The following GFRA2 variants were observed in gnomAD, a reference collection of about 807,000 sequenced individuals.
GFRA2 encodes GDNF family receptor alpha-2.
In GFRA2, 17 loss-of-function variants were observed where a neutral mutation model predicts 48.3. The ratio of observed to expected loss-of-function variants is 0.35; its 90% confidence interval spans 0.24 to 0.53. The LOEUF (loss-of-function observed/expected upper bound fraction) is 0.53, where lower values mean the gene tolerates loss of function less well. Ranked by LOEUF, GFRA2 falls within the 20% of genes least tolerant of loss-of-function variation. GFRA2 has a pLI of 0.93. For synonymous variants in GFRA2, 305 were observed against 257.2 expected (o/e 1.19, Z -1.78); for missense variants, 660 against 637.3 (o/e 1.04, Z -0.38).
At chr8:21,748,192 C>G (rs112007868) in intron 4 of GFRA2, among the ~76,000 whole-genome samples, 1 of 152,112 alleles carries the variant, frequency 6.6e-6, no homozygotes, top group Non-Finnish European at 1.5e-5. Context: ...TTACTGAGGT[C>G]GAGACCCACA....
intron 4 of GFRA2, among the ~76,000 whole-genome samples, chr8:21,745,943 A>T (rs1308156743): frequency 6.6e-6 from 1 of 152,180 alleles, no homozygotes; most frequent in Non-Finnish European, 1.5e-5. Context: ...CTCTCCAGTA[A>T]AATAACCTCT....
At chr8:21,794,358 G>C (rs2117105383) in intron 2 of GFRA2, among the ~76,000 whole-genome samples, 1 of 143,232 alleles carries the variant, frequency 7.0e-6, no homozygotes, top group East Asian at 2.1e-4. Flanking sequence ...TCAAGTGATT[G>C]GCCTACCTCA....
chr8:21,768,992 C>T (rs1806312783), intron 3 of GFRA2: 1 of 157,362 alleles, frequency 6.4e-6, no homozygotes, highest in South Asian at 2.0e-4. Flanking sequence ...ACTTCCTCCT[C>T]TTCCAAGACT....
Position 21,788,310 on chromosome 8 carries a change from G to C in GFRA2, c.-151C>G. On this transcript the variant is annotated 5_prime_UTR_variant, in exon 1 of 9. Coordinates refer to ENST00000524240, the MANE Select transcript of GFRA2 (RefSeq NM_001495.5). ...CTAGTCCACCCGATGAAGATCCCGA[G>C]TCCTGCGATTCTCGCCTCTGGCTGG... 7.2e-7 allele frequency: 1 copy of C among 1,388,322 alleles called. No individual in the cohort carries two copies. The allele number at this position is 1,388,322 out of a possible 1,614,324, so 86.0% of individuals were successfully genotyped here.
intron 4 of GFRA2, among the ~76,000 whole-genome samples, chr8:21,734,115 C>T (rs1397451431): frequency 2.6e-5 from 4 of 152,214 alleles, no homozygotes; most frequent in East Asian, 1.9e-4. Flanking sequence ...AAGCCTGCAG[C>T]GTGCAGTGGA....
intron 1 of GFRA2, among the ~76,000 whole-genome samples, chr8:21,784,807 C>T (rs974880520): frequency 6.6e-6 from 1 of 152,130 alleles, no homozygotes; most frequent in Non-Finnish European, 1.5e-5. Context: ...GTTTGAGGCC[C>T]GGCACTGGCT....
At chr8:21,777,778 C>G (rs113583087) in intron 2 of GFRA2, among the ~76,000 whole-genome samples, 1 of 152,052 alleles carries the variant, frequency 6.6e-6, no homozygotes, top group South Asian at 2.1e-4. Context: ...GATAAGGAGT[C>G]GGGGCCCTGG....
At chr8:21,779,893 C>A (rs1806890093) in intron 2 of GFRA2, among the ~76,000 whole-genome samples, 1 of 152,076 alleles carries the variant, frequency 6.6e-6, no homozygotes, top group South Asian at 2.1e-4. Flanking sequence ...AGCATTTGCT[C>A]CCCTGTTCGA....
intron 4 of GFRA2, among the ~76,000 whole-genome samples, chr8:21,737,491 G>C (rs1483939507): frequency 6.6e-6 from 1 of 152,172 alleles, no homozygotes; most frequent in African/African-American, 2.4e-5. Context: ...GGCTGGAATT[G>C]AGGACTGGTA....
chr8:21,750,571 G>A lies in GFRA2; in HGVS notation c.794+17C>T. ...GCGCCCTCCTGCCAGCACCACCGGG[G>A]CTGCCGCGGCACTCACCGACACAGG... On this transcript the variant is annotated intron_variant, in intron 4 of 8. Coordinates refer to ENST00000524240, the MANE Select transcript of GFRA2 (RefSeq NM_001495.5). The surrounding 1 kb of genome is among the most constrained non-coding windows in gnomAD (Gnocchi z 5.7). 1 of 1,497,166 alleles carries A rather than the reference G, an allele frequency of 6.7e-7. No individual in the cohort carries two copies. The highest frequency in any genetic ancestry group is 9.2e-7 in the Non-Finnish European group (1 of 1,092,360). The allele number at this position is 1,497,166 out of a possible 1,614,324, so 92.7% of individuals were successfully genotyped here. A position where few individuals can be genotyped will look rare whatever the true frequency, so the allele number is the denominator to read the frequency against.
chr8:21,738,179 C>CT (rs377347035), intron 4 of GFRA2, among the ~76,000 whole-genome samples: 30,900 of 66,462 alleles, frequency 0.46, 9,706 homozygotes, highest in African/African-American at 0.85. Context: ...CCCCCTCCCC[C>CT]GTTCCTCCTC....
At chr8:21,719,565 T>G (rs539449684) in intron 4 of GFRA2, among the ~76,000 whole-genome samples, 1 of 152,364 alleles carries the variant, frequency 6.6e-6, no homozygotes, top group East Asian at 1.9e-4. Context: ...CCCGAGTCAC[T>G]ATAGACTTGC....
At chr8:21,705,217 G>A (rs1802682273) in intron 5 of GFRA2, 92 bp from the exon 6 acceptor site, 3 of 1,336,866 alleles carry the variant, frequency 2.2e-6, no homozygotes, top group Non-Finnish European at 3.1e-6. Flanking sequence ...GCAGGGCAGA[G>A]GCGTGGTACC....
chr8:21,800,956 G>C (rs1312542319), intron 2 of GFRA2, among the ~76,000 whole-genome samples: 2 of 151,680 alleles, frequency 1.3e-5, no homozygotes, highest in East Asian at 1.9e-4. Flanking sequence ...AGTCCAGTGA[G>C]GGCATCCACA....
intron 4 of GFRA2, among the ~76,000 whole-genome samples, chr8:21,731,667 A>G (rs1804202339): frequency 6.6e-6 from 1 of 152,160 alleles, no homozygotes; most frequent in African/African-American, 2.4e-5. Context: ...TCGTGCATAC[A>G]TAATTCCAAC....
At position 21,788,396 on chromosome 8, in the gene GFRA2, A is replaced by AT. The variant is rs1807393338; in HGVS notation, c.-238_-237insA. On this transcript the variant is annotated 5_prime_UTR_variant, in exon 1 of 9. Coordinates refer to ENST00000524240, the MANE Select transcript of GFRA2 (RefSeq NM_001495.5). The stretch of plus-strand genomic sequence containing the variant: ...CCTCTCGACGCCCCCCTTGCCCGCT[A>AT]CAATCAAATATACGCGTATCTGTGT... 6 of 1,333,496 alleles carry AT rather than the reference A, an allele frequency of 4.5e-6. No homozygotes were observed. The African/African-American group carries it at 9.2e-5, about 20-fold the overall frequency. The allele number at this position is 1,333,496 out of a possible 1,614,324, so 82.6% of individuals were successfully genotyped here.
intron 3 of GFRA2, among the ~76,000 whole-genome samples, chr8:21,753,118 T>G (rs1322140054): frequency 1.3e-5 from 2 of 152,020 alleles, no homozygotes; most frequent in Non-Finnish European, 2.9e-5. Context: ...ATTCCCCAGC[T>G]CATTCGGGGG....
intron 4 of GFRA2, among the ~76,000 whole-genome samples, chr8:21,722,779 C>T (rs1051463657): frequency 6.6e-6 from 1 of 152,258 alleles, no homozygotes; most frequent in African/African-American, 2.4e-5. Context: ...AACTCCACAA[C>T]AGGTGACAAC....
At chr8:21,719,212 T>G (rs1217720966) in intron 4 of GFRA2, among the ~76,000 whole-genome samples, 1 of 152,082 alleles carries the variant, frequency 6.6e-6, no homozygotes, top group Non-Finnish European at 1.5e-5. Flanking sequence ...GGTCCAAGTC[T>G]GCTCTGGAAC....
Sources: gnomAD v4.1 joint callset for allele counts (sites outside exome capture counted in the v4.1 genomes callset) on GRCh38, gnomAD v4.1.1 for gene constraint, Gnocchi (gnomAD v3.1) non-coding constraint, MANE v1.5 for transcripts, NCBI Gene and HGNC (gene_info 2026-07-23, HGNC 2026-07-21) for gene names.